Variants in DGKA observed in about 807,000 individuals in gnomAD.
DGKA encodes the protein diacylglycerol kinase alpha.
A neutral mutation model predicts 105.0 loss-of-function variants in DGKA; 35 were observed. That is an observed-to-expected ratio of 0.33 (90% CI 0.25 to 0.44). DGKA has a LOEUF of 0.44. Ranked by LOEUF, DGKA falls within the 20% of genes least tolerant of loss-of-function variation. The pLI is 1.00. For missense variants in DGKA, 665 were observed against 915.0 expected, an observed-to-expected ratio of 0.73 and a Z score of 3.53; for synonymous variants, 296 against 332.0, an observed-to-expected ratio of 0.89 and a Z score of 1.18.
Position 55,932,904 on chromosome 12 carries a change from G to A in DGKA, c.-82+1560G>A. 3.6e-6 allele frequency: 1 copy of A among 279,976 alleles called. No individual in the cohort carries two copies. The highest frequency in any genetic ancestry group is 2.2e-5 in the African/African-American group (1 of 46,142). 17.3% of individuals were successfully genotyped at this position (279,976 alleles called of 1,614,324 possible). ...TATGATGTGATTAAGGAATTCAGAA[G>A]TCCAGGTAATCAGGCCTGGGCCCTC... is the stretch of plus-strand genomic sequence containing the variant. On this transcript the variant is annotated intron_variant, in intron 1 of 23. Coordinates refer to ENST00000331886, the MANE Select transcript of DGKA (RefSeq NM_001345.5). This position sits in a 1 kb window ranked among gnomAD's most constrained non-coding sequence, Gnocchi z 4.3.
chr12:55,948,173 G>A (rs932619317), intron 17 of DGKA, among the ~76,000 whole-genome samples: 3 of 144,114 alleles, frequency 2.1e-5, no homozygotes, highest in African/African-American at 7.7e-5. Context: ...AGGCCAAGGC[G>A]GGTGGATCAT....
chr12:55,927,885 A>C (rs948331059), upstream of DGKA: 6 of 1,283,420 alleles, frequency 4.7e-6, no homozygotes, highest in South Asian at 1.4e-5. Flanking sequence ...CAGACCTCCT[A>C]ACCCTGAGTG....
intron 17 of DGKA, among the ~76,000 whole-genome samples, chr12:55,949,650 T>A (rs1261283120): frequency 6.6e-6 from 1 of 152,248 alleles, no homozygotes; most frequent in African/African-American, 2.4e-5. Flanking sequence ...CTGAATCTCC[T>A]TATACTTTGC....
intron 13 of DGKA, 53 bp downstream of exon 13, chr12:55,941,033 GC>G (rs1885855631): frequency 6.4e-7 from 1 of 1,570,626 alleles, no homozygotes; most frequent in Admixed American, 1.7e-5. Context: ...TTTCACTGGA[GC>G]CCTCATGGGT....
In DGKA at chr12:55,937,172, G is replaced by A. The variant is rs980665665; in HGVS notation, c.138+82G>A. ...ATCCCCAACTTCCAGGAATTATTCTGGGCCTGCCCCTCACTATCCCCTCTA... is the reference window on the plus strand; with the variant it reads ...ATCCCCAACTTCCAGGAATTATTCTAGGCCTGCCCCTCACTATCCCCTCTA... On this transcript the variant is annotated intron_variant, in intron 3 of 23. Transcript: ENST00000331886. 16 of 1,493,240 alleles carry A rather than the reference G, an allele frequency of 1.1e-5. No individual in the cohort carries two copies. The African/African-American group carries it at 2.1e-4, about 19-fold the overall frequency. The allele number at this position is 1,493,240 out of a possible 1,614,324, so 92.5% of individuals were successfully genotyped here.
chr12:55,947,160 T>C (rs920762651), intron 17 of DGKA, among the ~76,000 whole-genome samples: 4 of 152,012 alleles, frequency 2.6e-5, no homozygotes, highest in Admixed American at 1.3e-4. Flanking sequence ...TAATTTTGTA[T>C]TTTTAGTAGA....
At chr12:55,928,855 C>T (rs1883251164), upstream of DGKA, among the ~76,000 whole-genome samples, 1 of 151,546 alleles carries the variant, frequency 6.6e-6, no homozygotes, top group African/African-American at 2.4e-5. Flanking sequence ...GGGTGGGGCT[C>T]ATTTAAAAAG....
Position 55,953,458 on chromosome 12 carries a change from G to A in DGKA, c.2124+48G>A, listed in dbSNP as rs375375236. On this transcript the variant is annotated intron_variant, in intron 23 of 23. Transcript: ENST00000331886. ...AAAAATTAAACCCTTGGGCTCCATG[G>A]ATCCTAAATCCCCATTCCACAGCTT... 127 of 1,585,118 alleles carry A rather than the reference G, an allele frequency of 8.0e-5. No individual in the cohort carries two copies. The African/African-American group carries it at 9.0e-4, about 11-fold the overall frequency.
rs1303610827 is a variant in DGKA at position 55,932,705 on chromosome 12, ACACG to A, written c.-82+1365_-82+1368del. ...AATGACACCCTCTACACACACACAC[ACACG>A]CACACACACACACACACACACACAC... On this transcript the variant is annotated intron_variant, in intron 1 of 23. Transcript: ENST00000331886. This position sits in a 1 kb window ranked among gnomAD's most constrained non-coding sequence, Gnocchi z 4.3. 2.0e-3 allele frequency: 1,098 copies of A among 546,916 alleles called. 5 individuals are homozygous for A. The African/African-American group carries it at 0.033, about 17-fold the overall frequency. The allele number at this position is 546,916 out of a possible 1,614,324, so 33.9% of individuals were successfully genotyped here. A position where few individuals can be genotyped will look rare whatever the true frequency, so the allele number is the denominator to read the frequency against.
At chr12:55,933,495 C>T (rs1422531573) in intron 1 of DGKA, 1 of 152,016 alleles carries the variant, frequency 6.6e-6, no homozygotes. Flanking sequence ...AAAAAATGGA[C>T]TTGTTCTAGG....
intron 3 of DGKA, 68 bp downstream of exon 3, chr12:55,937,158 C>T: frequency 6.4e-7 from 1 of 1,556,562 alleles, no homozygotes. Context: ...TCCCCAACTT[C>T]CAGGAATTAT....
chr12:55,936,666 T>G lies in DGKA; in HGVS notation c.64+99T>G. On this transcript the variant is annotated intron_variant, in intron 2 of 23. Coordinates refer to ENST00000331886, the MANE Select transcript of DGKA (RefSeq NM_001345.5). Reference sequence around the variant, plus strand: ...CCTGCCCCCCAGCTTCCTCAGTGGCTTTGAGCAGTGTGCTGCTCAGATGTG... The same window carrying G: ...CCTGCCCCCCAGCTTCCTCAGTGGCGTTGAGCAGTGTGCTGCTCAGATGTG... 2.6e-6 allele frequency: 4 copies of G among 1,528,738 alleles called. No individual in the cohort carries two copies. In the East Asian group the frequency reaches 6.8e-5, roughly 26 times the overall value. 94.7% of individuals were successfully genotyped at this position (1,528,738 alleles called of 1,614,324 possible). A position where few individuals can be genotyped will look rare whatever the true frequency, so the allele number is the denominator to read the frequency against.
At position 55,932,656 on chromosome 12, in the gene DGKA, T is replaced by C. The variant is rs1883842717; in HGVS notation, c.-82+1312T>C. ...CCCACATCCCCCAACCATGCCAGTA[T>C]CGTAACTTCCTCCTATACTACGCAA... On this transcript the variant is annotated intron_variant, in intron 1 of 23. Coordinates refer to ENST00000331886, the MANE Select transcript of DGKA (RefSeq NM_001345.5). The surrounding 1 kb of genome is among the most constrained non-coding windows in gnomAD (Gnocchi z 4.3). The C allele has an allele frequency of 5.7e-6, 4 of 700,152 alleles. No individual in the cohort carries two copies. Among genetic ancestry groups the C allele is most frequent in the Non-Finnish European group, 7.8e-6 (3 of 383,450 alleles). The allele number at this position is 700,152 out of a possible 1,614,324, so 43.4% of individuals were successfully genotyped here. A position where few individuals can be genotyped will look rare whatever the true frequency, so the allele number is the denominator to read the frequency against.
In DGKA at chr12:55,953,745, A is replaced by G; in HGVS notation, c.2185A>G (p.Asn729Asp). Residue 729 changes from asparagine to aspartate, a missense_variant, in exon 24 of 24, where the codon AAT (asparagine) becomes GAT (aspartate). Physicochemically the swap from Asn to Asp is conservative, Grantham distance 23. This residue lies in a region of DGKA where 158 missense variants were observed against 213.4 expected (regional missense o/e 0.74). Coordinates refer to ENST00000331886, the MANE Select transcript of DGKA (RefSeq NM_001345.5). ...MLMGPPPRSTNFFGFLS is the reference protein window; with the variant it reads ...MLMGPPPRSTDFFGFLS Reference sequence around the variant, plus strand: ...CATGGGCCCACCCCCCCGCTCCACCAATTTCTTTGGCTTCTTGAGCTAAGG... The same window carrying G: ...CATGGGCCCACCCCCCCGCTCCACCGATTTCTTTGGCTTCTTGAGCTAAGG... The G allele has an allele frequency of 6.2e-7, 1 of 1,613,760 alleles. No homozygotes were observed. The highest frequency in any genetic ancestry group is 1.1e-5 in the South Asian group (1 of 91,052).
At position 55,952,204 on chromosome 12, in the gene DGKA, TC is replaced by T. The variant is rs563734607; in HGVS notation, c.1652+111del. The T allele has an allele frequency of 4.0e-4, 614 of 1,537,320 alleles. 4 individuals carry two copies. The highest frequency in any genetic ancestry group is 1.7e-3 in the Middle Eastern group (10 of 5,842). On this transcript the variant is annotated intron_variant, in intron 19 of 23. Coordinates refer to ENST00000331886, the MANE Select transcript of DGKA (RefSeq NM_001345.5). The surrounding 1 kb of genome is among the most constrained non-coding windows in gnomAD (Gnocchi z 5.1). ...GAAGAACAGTGGCACCTCTAGGAGG[TC>T]CCCCCAACCAAAGCCACCCTTGTTC...
At chr12:55,950,991 C>G (rs1183050882) in intron 17 of DGKA, among the ~76,000 whole-genome samples, 1 of 152,140 alleles carries the variant, frequency 6.6e-6, no homozygotes, top group Non-Finnish European at 1.5e-5. Context: ...GGCGCAGTGG[C>G]CTGTAATCCC....
Position 55,940,678 on chromosome 12 carries a change from C to T in DGKA, c.973C>T (p.Arg325Trp), listed in dbSNP as rs1164849409. The change falls in exon 12 of 24, where the codon CGG becomes TGG. Residue 325 changes from arginine to tryptophan, a missense_variant. By Grantham distance (101) the Arg-to-Trp change is moderately radical (BLOSUM62 -3). Around this residue, in one of 3 missense-constraint regions of DGKA, gnomAD observed 504 missense variants for 681.2 expected, o/e 0.74. Coordinates refer to ENST00000331886, the MANE Select transcript of DGKA (RefSeq NM_001345.5). The surrounding 1 kb of genome is among the most constrained non-coding windows in gnomAD (Gnocchi z 4.3). ...CCATGAGTGTGACTGTGGGCTGCTC[C>T]GGGATCACATCCTGCCTCCATCTTC... The part of the protein sequence containing the change: ...VGHECDCGLL[R>W]DHILPPSSIY... 4 of 1,605,010 alleles carry T rather than the reference C, an allele frequency of 2.5e-6. No individual in the cohort carries two copies. Among genetic ancestry groups the T allele is most frequent in the Non-Finnish European group, 3.4e-6 (4 of 1,177,366 alleles).
intron 1 of DGKA, among the ~76,000 whole-genome samples, chr12:55,934,344 A>G (rs889417457): frequency 6.6e-6 from 1 of 152,164 alleles, no homozygotes; most frequent in African/African-American, 2.4e-5. Flanking sequence ...TAAGACTATT[A>G]GTATTCATTA....
intron 15 of DGKA, 75 bp downstream of exon 15, chr12:55,941,659 A>T: frequency 6.8e-7 from 1 of 1,466,556 alleles, no homozygotes; most frequent in Non-Finnish European, 9.5e-7. Flanking sequence ...AGAGTGCAGG[A>T]AAGAGTGCAG....
Sources: gnomAD v4.1 joint callset for allele counts (sites outside exome capture counted in the v4.1 genomes callset) on GRCh38, gnomAD v4.1.1 for gene constraint, gnomAD v4.1.1 regional missense constraint, Gnocchi (gnomAD v3.1) non-coding constraint, MANE v1.5 for transcripts, NCBI Gene and HGNC (gene_info 2026-07-23, HGNC 2026-07-21) for gene names.